The following ARID3B variants were observed in gnomAD, a reference collection of about 807,000 sequenced individuals.
ARID3B encodes AT-rich interaction domain 3B.
ARID3B carries 10 observed loss-of-function variants against 51.9 expected under a neutral mutation model. The observed-to-expected ratio is 0.19, with a 90% confidence interval of 0.12 to 0.33. The LOEUF (loss-of-function observed/expected upper bound fraction) is 0.33, where lower values mean the gene tolerates loss of function less well. Ranked by LOEUF, ARID3B falls within the 10% of genes least tolerant of loss-of-function variation. The pLI is 1.00. For synonymous variants in ARID3B, 205 were observed against 279.5 expected, an observed-to-expected ratio of 0.73 and a Z score of 2.66; for missense variants, 483 against 716.3, an observed-to-expected ratio of 0.67 and a Z score of 3.72.
At chr15:74,567,483 ACC>A (rs1468611803) in intron 2 of ARID3B, among the ~76,000 whole-genome samples, 1 of 151,314 alleles carries the variant, frequency 6.6e-6, no homozygotes, top group Non-Finnish European at 1.5e-5. Context: ...ACAATGCTCT[ACC>A]TGGGGTAGGT....
At chr15:74,580,781 G>A (rs2061759246) in intron 4 of ARID3B, among the ~76,000 whole-genome samples, 1 of 152,190 alleles carries the variant, frequency 6.6e-6, no homozygotes, top group Non-Finnish European at 1.5e-5. Context: ...CCCCTTTGGA[G>A]AAGCAGGCAA....
In ARID3B at chr15:74,591,485, T is replaced by C; in HGVS notation, c.1165+51T>C. The C allele has an allele frequency of 1.3e-6, 2 of 1,592,332 alleles. No homozygotes were observed. The highest frequency in any genetic ancestry group is 3.4e-5 in the Admixed American group (2 of 59,018). ...GAAGAAAGGGAGGAAGGGATGCCAG[T>C]TCCCTGTGTTCAAGACTGGGGTTTT... On this transcript the variant is annotated intron_variant, in intron 6 of 8. Coordinates refer to ENST00000346246, the MANE Select transcript of ARID3B (RefSeq NM_006465.4). This position sits in a 1 kb window ranked among gnomAD's most constrained non-coding sequence, Gnocchi z 5.8.
intron 4 of ARID3B, among the ~76,000 whole-genome samples, chr15:74,582,742 A>G (rs937656044): frequency 3.3e-5 from 5 of 152,194 alleles, no homozygotes; most frequent in Non-Finnish European, 7.3e-5. Flanking sequence ...TCCCAACAGA[A>G]ATGAGTGCTT....
intron 2 of ARID3B, among the ~76,000 whole-genome samples, chr15:74,569,374 A>G (rs551616675): frequency 5.9e-5 from 9 of 151,778 alleles, no homozygotes; most frequent in African/African-American, 1.9e-4. Context: ...TTTGGTAGAG[A>G]TGGAGTCTCC....
rs542289274 is a variant in ARID3B, at chr15:74,563,546, G to A, written c.553-9316G>A. On this transcript the variant is annotated intron_variant, in intron 2 of 8. Transcript: ENST00000346246. ...GGCAAGTTTCCAACCTCTTAGGTCT[G>A]TTTCCTTTCTGTCACCAGCGGGTCC... Among the ~76,000 whole-genome samples, 50 of 152,294 alleles carry A rather than the reference G, an allele frequency of 3.3e-4. 1 individual carries two copies. The highest frequency in any genetic ancestry group is 1.1e-3 in the African/African-American group (47 of 41,554).
At chr15:74,570,802 A>G (rs116918094) in intron 2 of ARID3B, among the ~76,000 whole-genome samples, 2 of 152,230 alleles carry the variant, frequency 1.3e-5, no homozygotes, top group Non-Finnish European at 2.9e-5. Flanking sequence ...ATTCATCTTG[A>G]TTATTCATTG....
chr15:74,548,193 A>C (rs1210989649), intron 2 of ARID3B, among the ~76,000 whole-genome samples: 3 of 152,338 alleles, frequency 2.0e-5, no homozygotes, highest in Non-Finnish European at 4.4e-5. Flanking sequence ...GAGATCATAC[A>C]GCCAACTAGG....
At chr15:74,573,288 GC>G in intron 4 of ARID3B, 84 bp downstream of exon 4, 1 of 1,423,370 alleles carries the variant, frequency 7.0e-7, no homozygotes, top group Non-Finnish European at 9.9e-7. Context: ...AGACATCCTG[GC>G]CCACTAATCC....
At position 74,544,199 on chromosome 15, in the gene ARID3B, A is replaced by G; in HGVS notation, c.263A>G (p.Asn88Ser). Residue 88 changes from asparagine (N) to serine (S), a missense_variant, in exon 2 of 9, where the codon AAC becomes AGC. Asn to Ser is a conservative substitution (Grantham distance 46). Transcript: ENST00000346246. ...CAAGTGTTTGAACGGGGCAACATGA[A>G]CTCAGAGCCTGAGGAAGAGGACGGA... ...VAQVFERGNM[N>S]SEPEEEDGGL... 1 of 1,613,998 alleles carries G rather than the reference A, an allele frequency of 6.2e-7. No individual in the cohort carries two copies. The highest frequency in any genetic ancestry group is 1.7e-5 in the Admixed American group (1 of 60,008).
At chr15:74,581,933 A>C (rs535296457) in intron 4 of ARID3B, among the ~76,000 whole-genome samples, 7 of 152,138 alleles carry the variant, frequency 4.6e-5, no homozygotes, top group African/African-American at 9.7e-5. Context: ...CACCATGGGG[A>C]AGTTCTGCTG....
chr15:74,569,012 C>G (rs1379110842), intron 2 of ARID3B, among the ~76,000 whole-genome samples: 3 of 152,222 alleles, frequency 2.0e-5, no homozygotes, highest in Non-Finnish European at 2.9e-5. Context: ...CCATCTGCCT[C>G]TGCTGTTCCC....
intron 2 of ARID3B, 108 bp from the exon 3 acceptor site, chr15:74,572,754 C>A: frequency 1.9e-6 from 2 of 1,048,890 alleles, no homozygotes; most frequent in Non-Finnish European, 3.0e-6. Flanking sequence ...GTGAGGATAG[C>A]ACAATTGCTA....
At chr15:74,570,057 C>A (rs983719813) in intron 2 of ARID3B, among the ~76,000 whole-genome samples, 2 of 152,138 alleles carry the variant, frequency 1.3e-5, no homozygotes, top group Non-Finnish European at 2.9e-5. Flanking sequence ...TGTCTCATTT[C>A]TTTCCTGCTC....
chr15:74,573,167 G>A lies in ARID3B; in HGVS notation c.660G>A (p.Glu220=), dbSNP rs762198838. The stretch of plus-strand genomic sequence containing the variant: ...TGGACGGTGATCCTGAAAGGAAAGA[G>A]TTCCTGGATGACCTCTTCGTCTTTA... ...YELDGDPERK[E]FLDDLFVFMQ... The change falls in exon 4 of 9, where the codon GAG becomes GAA. Residue 220 remains glutamate (E), a synonymous_variant. Transcript: ENST00000346246. 12 of 1,614,190 alleles carry A rather than the reference G, an allele frequency of 7.4e-6. No individual in the cohort carries two copies. The South Asian group carries it at 9.9e-5, about 13-fold the overall frequency.
At chr15:74,566,061 A>G (rs1309451156) in intron 2 of ARID3B, among the ~76,000 whole-genome samples, 1 of 151,724 alleles carries the variant, frequency 6.6e-6, no homozygotes, top group Non-Finnish European at 1.5e-5. Context: ...CATCCCCTCA[A>G]TCCAGATCCA....
Position 74,591,203 on chromosome 15 carries a change from C to T in ARID3B, c.934C>T (p.Pro312Ser), listed in dbSNP as rs2061801415. Residue 312 changes from proline to serine, a missense_variant, in exon 6 of 9, where the codon CCA becomes TCA. Physicochemically the swap from Pro to Ser is moderately conservative, Grantham distance 74. Around this residue, in one of 3 missense-constraint regions of ARID3B, gnomAD observed 265 missense variants for 354.4 expected, o/e 0.75. Transcript: ENST00000346246. The surrounding 1 kb of genome is among the most constrained non-coding windows in gnomAD (Gnocchi z 5.8). ...GTGTGAGAAGAAAGCCTTGAGTTCC[C>T]CAGCCGAGCTCCAGGCAGCAATTGA... ...YECEKKALSS[P>S]AELQAAIDGN... 1 of 1,613,132 alleles carries T rather than the reference C, an allele frequency of 6.2e-7. No homozygotes were observed.
At chr15:74,566,907 G>T (rs2061701102) in intron 2 of ARID3B, among the ~76,000 whole-genome samples, 1 of 151,954 alleles carries the variant, frequency 6.6e-6, no homozygotes, top group Non-Finnish European at 1.5e-5. Flanking sequence ...TAAATTCTAG[G>T]TGATCAAGTG....
chr15:74,545,318 A>G (rs952272856), intron 2 of ARID3B, among the ~76,000 whole-genome samples: 2 of 152,220 alleles, frequency 1.3e-5, no homozygotes, highest in African/African-American at 4.8e-5. Context: ...TCACTCTTAC[A>G]TCATCCCCTT....
intron 4 of ARID3B, among the ~76,000 whole-genome samples, chr15:74,586,361 T>C (rs543304415): frequency 9.9e-5 from 15 of 152,260 alleles, no homozygotes; most frequent in Admixed American, 2.6e-4. Context: ...TCTGCCATTG[T>C]TCCCCTGGCC....
Sources: allele counts gnomAD v4.1 joint callset (sites outside exome capture counted in the v4.1 genomes callset), GRCh38; gene constraint gnomAD v4.1.1; regional missense constraint gnomAD v4.1.1; non-coding constraint Gnocchi (gnomAD v3.1); transcripts MANE v1.5; gene names NCBI Gene and HGNC (gene_info 2026-07-23, HGNC 2026-07-21).